Variants in ESPL1 observed in about 807,000 individuals in gnomAD.
ESPL1 encodes extra spindle pole bodies like 1, separase, also known as separin.
Under a neutral mutation model 217.2 loss-of-function variants are expected in ESPL1, and 50 were observed. The observed-to-expected ratio is 0.23, with a 90% CI of 0.18 to 0.29. The LOEUF is 0.29. ESPL1 is among the 10% of genes least tolerant of loss of function. The probability of loss-of-function intolerance (pLI) is 1.00; values close to 1 mark genes in which losing one functional copy is unlikely to be tolerated. For synonymous variants in ESPL1, 994 were observed against 1,081.3 expected (o/e 0.92, Z 1.58); for missense variants, 1,834 against 2,603.0 (o/e 0.70, Z 6.43).
At chr12:53,268,552 TG>T in intron 1 of ESPL1, 175 bp downstream of exon 1, 1 of 557,700 alleles carries the variant, frequency 1.8e-6, no homozygotes, top group South Asian at 2.1e-5. Flanking sequence ...GCGAGTGGTG[TG>T]GTAGTGCGGT....
At chr12:53,290,742 C>T (rs534177882) in intron 24 of ESPL1, 99 bp from the exon 25 acceptor site, 7 of 113,606 alleles carry the variant, frequency 6.2e-5, no homozygotes, top group Non-Finnish European at 8.3e-5. Context: ...GACAGACATG[C>T]ACATTGGAAA....
rs371969495 is a variant in ESPL1, at chr12:53,270,763, C to G, written c.1334C>G (p.Ser445Trp). 4.3e-6 allele frequency: 7 copies of G among 1,614,030 alleles called. No individual in the cohort carries two copies. The African/African-American group carries it at 5.3e-5, about 12-fold the overall frequency. ...ATGCTGGAGGCCTTAGAGGGCCTGT[C>G]GGGCCAAGAGCTGACGGACCACATG... ...VWMLEALEGL[S>W]GQELTDHMGM... The change falls in exon 5 of 31, where the codon TCG becomes TGG. Residue 445 changes from serine (S) to tryptophan (W), a missense_variant. By Grantham distance (177) the Ser-to-Trp change is radical. Around this residue, in one of 5 missense-constraint regions of ESPL1, gnomAD observed 746 missense variants for 1,077.0 expected, o/e 0.69. Transcript: ENST00000257934.
chr12:53,286,055 G>A lies in ESPL1; in HGVS notation c.3319G>A (p.Glu1107Lys), dbSNP rs769203294. The change falls in exon 18 of 31, where the codon GAG becomes AAG. Residue 1107 changes from glutamate to lysine, a missense_variant. Around this residue, in one of 5 missense-constraint regions of ESPL1, gnomAD observed 681 missense variants for 808.0 expected, o/e 0.84. Coordinates refer to ENST00000257934, the MANE Select transcript of ESPL1 (RefSeq NM_012291.5). The surrounding 1 kb of genome is among the most constrained non-coding windows in gnomAD (Gnocchi z 5.3). ...GCTCTTCCTAAGAGGCCCTGCTCTA[G>A]AGCTGGTGGCCACTGTGGCCAAGGA... is the stretch of plus-strand genomic sequence containing the variant. ...EELFLRGPAL[E>K]LVATVAKEPG... 12 of 1,610,930 alleles carry A rather than the reference G, an allele frequency of 7.4e-6. No individual in the cohort carries two copies. In the Admixed American group the frequency reaches 8.3e-5, roughly 11 times the overall value.
chr12:53,268,466 C>A, intron 1 of ESPL1, 89 bp downstream of exon 1: 1 of 386,444 alleles, frequency 2.6e-6, no homozygotes, highest in Non-Finnish European at 4.7e-6. Context: ...TGGGTGGCTC[C>A]TGGAGGGAGT....
At chr12:53,277,437 T>C (rs1943789626) in intron 9 of ESPL1, 33 bp from the exon 10 acceptor site, 1 of 1,607,270 alleles carries the variant, frequency 6.2e-7, no homozygotes, top group Non-Finnish European at 8.5e-7. Context: ...CACACCACTG[T>C]GCCCTGTTTT....
Position 53,285,991 on chromosome 12 carries a change from G to A in ESPL1, c.3255G>A (p.Gln1085=). 1 of 1,587,028 alleles carries A rather than the reference G, an allele frequency of 6.3e-7. No individual in the cohort carries two copies. The highest frequency in any genetic ancestry group is 8.6e-7 in the Non-Finnish European group (1 of 1,160,128). The part of the protein sequence containing the change: ...KKVHLQKGKQ[Q]AQVPCPPQLP... The stretch of plus-strand genomic sequence containing the variant: ...TCCACCTGCAGAAGGGGAAGCAGCA[G>A]GCCCAGGTCCCCTGTCCTCCACAGC... Residue 1085 remains glutamine (Q), a synonymous_variant, in exon 18 of 31, where the codon CAG becomes CAA. Coordinates refer to ENST00000257934, the MANE Select transcript of ESPL1 (RefSeq NM_012291.5).
chr12:53,272,672 G>T, intron 5 of ESPL1, 49 bp from the exon 6 acceptor site: 2 of 1,596,816 alleles, frequency 1.3e-6, no homozygotes, highest in Non-Finnish European at 1.7e-6. Flanking sequence ...AGGAGGAGAG[G>T]GTGGTGGGAG....
At position 53,269,109 on chromosome 12, in the gene ESPL1, C is replaced by T. The variant is rs759933987; in HGVS notation, c.167C>T (p.Ala56Val). Residue 56 changes from alanine to valine, a missense_variant, in exon 3 of 31, where the codon GCT (alanine) becomes GTT (valine). By Grantham distance (64) the Ala-to-Val change is moderately conservative. Transcript: ENST00000257934. This position sits in a 1 kb window ranked among gnomAD's most constrained non-coding sequence, Gnocchi z 6.7. Reference protein sequence around the residue: ...RRQACDAILRACNQQLTAKLA... With the variant: ...RRQACDAILRVCNQQLTAKLA... Reference sequence around the variant, plus strand: ...CAAGCTTGTGATGCCATCCTGAGGGCTTGCAACCAGCAGCTGACTGCTAAG... The same window carrying T: ...CAAGCTTGTGATGCCATCCTGAGGGTTTGCAACCAGCAGCTGACTGCTAAG... 6.2e-7 allele frequency: 1 copy of T among 1,614,114 alleles called. No homozygotes were observed. Among genetic ancestry groups the T allele is most frequent in the South Asian group, 1.1e-5 (1 of 91,086 alleles).
Position 53,289,129 on chromosome 12 carries a change from T to A in ESPL1, c.4748T>A (p.Val1583Asp). 1 of 1,614,250 alleles carries A rather than the reference T, an allele frequency of 6.2e-7. No homozygotes were observed. Among genetic ancestry groups the A allele is most frequent in the Non-Finnish European group, 8.5e-7 (1 of 1,180,028 alleles). Reference protein sequence around the residue: ...TLDSICDSLSVAFRGISHCPP... With the variant: ...TLDSICDSLSDAFRGISHCPP... ...GACTCCATCTGTGACTCCCTGAGTG[T>A]TGCTTTCCGGGGCATTAGTCACTGT... Residue 1583 changes from valine (V) to aspartate (D), a missense_variant, in exon 21 of 31, where the codon GTT (valine) becomes GAT (aspartate). By Grantham distance (152) the Val-to-Asp change is radical. Coordinates refer to ENST00000257934, the MANE Select transcript of ESPL1 (RefSeq NM_012291.5).
intron 6 of ESPL1, among the ~76,000 whole-genome samples, chr12:53,273,836 G>GTTTTTTTTTTTT (rs71096001): frequency 9.5e-5 from 6 of 63,168 alleles, no homozygotes; most frequent in African/African-American, 4.7e-4. Flanking sequence ...TGGTTTTTTG[G>GTTTTTTTTTTTT]TTTTTTTTTT....
intron 6 of ESPL1, 77 bp from the exon 7 acceptor site, chr12:53,274,740 A>G (rs1943735378): frequency 8.2e-7 from 1 of 1,218,692 alleles, no homozygotes; most frequent in Non-Finnish European, 1.2e-6. Context: ...GTATGTACCT[A>G]TTGCATGCAT....
chr12:53,287,393 ACT>A (rs1472607707), intron 18 of ESPL1: 1 of 144,388 alleles, frequency 6.9e-6, no homozygotes, highest in Non-Finnish European at 1.5e-5. Flanking sequence ...TTTGAGACGG[ACT>A]CTCACTCTGT....
Position 53,269,794 on chromosome 12 carries a change from C to T in ESPL1, c.852C>T (p.Asn284=). Residue 284 remains asparagine, a synonymous_variant, in exon 3 of 31, where the codon AAC becomes AAT. Transcript: ENST00000257934. The surrounding 1 kb of genome is among the most constrained non-coding windows in gnomAD (Gnocchi z 6.7). ...AGAAGGCTCACAGTTACCTAAGGAACACCAATCTAGCCCCTAGCCTTCAGC... is the reference window on the plus strand; with the variant it reads ...AGAAGGCTCACAGTTACCTAAGGAATACCAATCTAGCCCCTAGCCTTCAGC... ...AVEKAHSYLR[N]TNLAPSLQLC... 6.2e-7 allele frequency: 1 copy of T among 1,614,224 alleles called. No individual in the cohort carries two copies. Among genetic ancestry groups the T allele is most frequent in the Non-Finnish European group, 8.5e-7 (1 of 1,180,042 alleles).
chr12:53,283,921 G>A, intron 16 of ESPL1, 137 bp from the exon 17 acceptor site: 1 of 694,774 alleles, frequency 1.4e-6, no homozygotes, highest in South Asian at 1.7e-5. Flanking sequence ...GAGCCTTTAA[G>A]TCAGCTTAAG....
chr12:53,279,383 C>G (rs917118055), intron 11 of ESPL1, among the ~76,000 whole-genome samples: 93 of 152,212 alleles, frequency 6.1e-4, no homozygotes, highest in African/African-American at 2.0e-3. Flanking sequence ...CTGCCACATA[C>G]CTGTTATATG....
Position 53,286,581 on chromosome 12 carries a change from G to T in ESPL1, c.3845G>T (p.Cys1282Phe). 6.2e-7 allele frequency: 1 copy of T among 1,614,180 alleles called. No homozygotes were observed. Among genetic ancestry groups the T allele is most frequent in the Non-Finnish European group, 8.5e-7 (1 of 1,180,034 alleles). Residue 1282 changes from cysteine (C) to phenylalanine (F), a missense_variant, in exon 18 of 31, where the codon TGC (cysteine) becomes TTC (phenylalanine). This residue lies in a region of ESPL1 where 681 missense variants were observed against 808.0 expected (regional missense o/e 0.84). Coordinates refer to ENST00000257934, the MANE Select transcript of ESPL1 (RefSeq NM_012291.5). This position sits in a 1 kb window ranked among gnomAD's most constrained non-coding sequence, Gnocchi z 5.3. ...WALTKLGGLS[C>F]CTTQLFASSW... ...CTCACAAAACTAGGTGGCCTCAGCT[G>T]CTGTACTACCCAACTTTTTGCAAGC...
chr12:53,281,773 C>T (rs1349112622), intron 13 of ESPL1, 147 bp downstream of exon 13: 1 of 759,332 alleles, frequency 1.3e-6, no homozygotes, highest in East Asian at 2.6e-5. Flanking sequence ...CTAGCCTTGC[C>T]CTCGCCAGCG....
chr12:53,272,827 A>G lies in ESPL1; in HGVS notation c.1476A>G (p.Pro492=). The G allele has an allele frequency of 2.5e-6, 4 of 1,614,098 alleles. No individual in the cohort carries two copies. The highest frequency in any genetic ancestry group is 3.4e-6 in the Non-Finnish European group (4 of 1,180,026). The change falls in exon 6 of 31, where the codon CCA becomes CCG. Residue 492 remains proline (P), a synonymous_variant. Coordinates refer to ENST00000257934, the MANE Select transcript of ESPL1 (RefSeq NM_012291.5). ...PLCQHLGLVK[P]GTYPEVPPEK... ...GTCAGCACCTGGGTTTGGTGAAGCC[A>G]GGCACTTATCCCGAGGTGCCTCCTG...
intron 6 of ESPL1, among the ~76,000 whole-genome samples, chr12:53,273,841 T>G (rs1225105924): frequency 5.5e-5 from 5 of 91,170 alleles, no homozygotes; most frequent in South Asian, 4.9e-4. Context: ...TTTTGGTTTT[T>G]TTTTTTTTTT....
Sources: allele counts gnomAD v4.1 joint callset (sites outside exome capture counted in the v4.1 genomes callset), GRCh38; gene constraint gnomAD v4.1.1; regional missense constraint gnomAD v4.1.1; non-coding constraint Gnocchi (gnomAD v3.1); transcripts MANE v1.5; gene names NCBI Gene and HGNC (gene_info 2026-07-23, HGNC 2026-07-21).